Variants in PCED1B observed in about 807,000 individuals in gnomAD.
PCED1B encodes the protein PC-esterase domain containing 1B.
For missense variants in PCED1B, 573 were observed against 573.9 expected (o/e 1.00, Z 0.02); for synonymous variants, 251 against 246.1 (o/e 1.02, Z -0.19).
rs769370792 is a variant in PCED1B at position 47,122,198 on chromosome 12, G to A, written c.-526+18003G>A. The stretch of plus-strand genomic sequence containing the variant: ...TTGCCATTGTTATTTTAAATTAGGC[G>A]TTCATCTCTTGGCCTAATTACACAT... On this transcript the variant is annotated intron_variant, in intron 2 of 3. Transcript: ENST00000546455. Among the ~76,000 whole-genome samples the A allele has an allele frequency of 5.9e-5, 9 of 151,962 alleles. 1 individual carries two copies. The highest frequency in any genetic ancestry group is 2.6e-4 in the Admixed American group (4 of 15,248).
At chr12:47,118,093 AT>A (rs1263045414) in intron 2 of PCED1B, among the ~76,000 whole-genome samples, 3 of 152,060 alleles carry the variant, frequency 2.0e-5, no homozygotes, top group African/African-American at 7.2e-5. Context: ...TACATTCTGG[AT>A]ATTAGCCATT....
At chr12:47,171,671 A>G (rs1489383893) in intron 2 of PCED1B, among the ~76,000 whole-genome samples, 1 of 152,202 alleles carries the variant, frequency 6.6e-6, no homozygotes, top group Non-Finnish European at 1.5e-5. Context: ...CTGATAAAAG[A>G]AAGATAATAT....
In PCED1B at chr12:47,235,442, G is replaced by A. The variant is rs1943947155; in HGVS notation, c.379G>A (p.Asp127Asn). The change falls in exon 4 of 4, where the codon GAC (aspartate) becomes AAC (asparagine). Residue 127 changes from aspartate (D) to asparagine (N), a missense_variant. Transcript: ENST00000546455. ...GGTCATCATGAATTCCTGCCTCTGG[G>A]ACATCTCCAGGTATGGTCCGAACTC... Reference protein sequence around the residue: ...DLVIMNSCLWDISRYGPNSWR... With the variant: ...DLVIMNSCLWNISRYGPNSWR... The A allele has an allele frequency of 6.2e-7, 1 of 1,614,184 alleles. No homozygotes were observed. The highest frequency in any genetic ancestry group is 8.5e-7 in the Non-Finnish European group (1 of 1,180,038).
intron 2 of PCED1B, among the ~76,000 whole-genome samples, chr12:47,143,477 T>C (rs1368581236): frequency 2.0e-5 from 3 of 152,126 alleles, no homozygotes; most frequent in South Asian, 2.1e-4. Flanking sequence ...AACAATTCCA[T>C]TTATAATAGC....
Position 47,140,050 on chromosome 12 carries a change from G to A in PCED1B, c.-526+35855G>A, listed in dbSNP as rs373487977. Among the ~76,000 whole-genome samples, 83 of 152,240 alleles carry A rather than the reference G, an allele frequency of 5.5e-4. 1 individual carries two copies. Among genetic ancestry groups the A allele is most frequent in the African/African-American group, 2.0e-3 (83 of 41,556 alleles). On this transcript the variant is annotated intron_variant, in intron 2 of 3. Coordinates refer to ENST00000546455, the MANE Select transcript of PCED1B (RefSeq NM_138371.3). ...CCTGCCAGGGTGATTGAAAACTCCA[G>A]CTTGAAAATAAAATAAGCATTCTAT...
At chr12:47,129,095 C>A (rs1382766398) in intron 2 of PCED1B, among the ~76,000 whole-genome samples, 1 of 152,212 alleles carries the variant, frequency 6.6e-6, no homozygotes, top group Non-Finnish European at 1.5e-5. Flanking sequence ...AATTCAAATT[C>A]TCTTTGCCTA....
chr12:47,210,748 G>A (rs1445177459), intron 2 of PCED1B: 2 of 152,032 alleles, frequency 1.3e-5, no homozygotes, highest in African/African-American at 2.4e-5. Flanking sequence ...CTGGGTAACT[G>A]AGCAACACTC....
intron 1 of PCED1B, among the ~76,000 whole-genome samples, chr12:47,085,398 C>T (rs1937931467): frequency 6.6e-6 from 1 of 152,190 alleles, no homozygotes; most frequent in Non-Finnish European, 1.5e-5. Context: ...ATTGCTACTT[C>T]AGGAAAAGTA....
intron 2 of PCED1B, among the ~76,000 whole-genome samples, chr12:47,168,824 G>T (rs1318018332): frequency 6.6e-6 from 1 of 151,690 alleles, no homozygotes; most frequent in Non-Finnish European, 1.5e-5. Flanking sequence ...TAGAATTTTT[G>T]TCATTCTTTT....
At chr12:47,099,998 C>G (rs1938634920) in intron 1 of PCED1B, among the ~76,000 whole-genome samples, 1 of 152,222 alleles carries the variant, frequency 6.6e-6, no homozygotes, top group Admixed American at 6.5e-5. Flanking sequence ...AGCGGCTACA[C>G]TGAGCAATGT....
chr12:47,117,099 T>C (rs545445993), intron 2 of PCED1B, among the ~76,000 whole-genome samples: 1 of 152,138 alleles, frequency 6.6e-6, no homozygotes, highest in Non-Finnish European at 1.5e-5. Context: ...CCTCCCACCA[T>C]GGACTCCCAG....
At chr12:47,135,496 A>C in intron 2 of PCED1B, 1 of 465,980 alleles carries the variant, frequency 2.1e-6, no homozygotes, top group Non-Finnish European at 4.3e-6. Flanking sequence ...CTATCGAGAG[A>C]CTTGGAAGAT....
intron 1 of PCED1B, among the ~76,000 whole-genome samples, chr12:47,091,807 C>G (rs1397882085): frequency 6.6e-6 from 1 of 152,048 alleles, no homozygotes; most frequent in Non-Finnish European, 1.5e-5. Context: ...ATCCTTTTCC[C>G]TACTGCATTG....
chr12:47,218,563 AG>A (rs1943374341), intron 3 of PCED1B, among the ~76,000 whole-genome samples: 4 of 152,196 alleles, frequency 2.6e-5, no homozygotes, highest in Non-Finnish European at 5.9e-5. Flanking sequence ...GACTCACTGC[AG>A]CCACAAACTC....
intron 2 of PCED1B, among the ~76,000 whole-genome samples, chr12:47,197,973 G>A (rs1942656570): frequency 6.6e-6 from 1 of 152,196 alleles, no homozygotes; most frequent in Non-Finnish European, 1.5e-5. Flanking sequence ...ATTTAAGGAA[G>A]AAGTGATACC....
chr12:47,127,888 C>T (rs1052712479), intron 2 of PCED1B, among the ~76,000 whole-genome samples: 23 of 152,136 alleles, frequency 1.5e-4, no homozygotes, highest in African/African-American at 4.6e-4. Flanking sequence ...TTCAAGTCTT[C>T]GATATACTCA....
At chr12:47,220,000 G>C (rs932371845) in intron 3 of PCED1B, among the ~76,000 whole-genome samples, 2 of 150,266 alleles carry the variant, frequency 1.3e-5, no homozygotes, top group African/African-American at 4.9e-5. Flanking sequence ...TTGAGCCTGG[G>C]AGGTTGAAGC....
intron 1 of PCED1B, among the ~76,000 whole-genome samples, chr12:47,087,085 G>A (rs1938023239): frequency 6.6e-6 from 1 of 152,110 alleles, no homozygotes; most frequent in Non-Finnish European, 1.5e-5. Flanking sequence ...CAAACACAAG[G>A]CCCTCTGTGG....
rs34785353 is a variant in PCED1B at position 47,160,743 on chromosome 12, T to C, written c.-525-55479T>C. Among the ~76,000 whole-genome samples the C allele has an allele frequency of 5.2e-4, 48 of 92,264 alleles. 1 individual carries two copies. In the South Asian group the frequency reaches 0.013, roughly 25 times the overall value. The allele number at this position is 92,264 out of a possible 152,430, so 60.5% of individuals were successfully genotyped here. A position where few individuals can be genotyped will look rare whatever the true frequency, so the allele number is the denominator to read the frequency against. On this transcript the variant is annotated intron_variant, in intron 2 of 3. Transcript: ENST00000546455. ...AGTTATTTGCTATGTTTGAATATGG[T>C]TTTTCCCCACTAAAACTCATATTGA...
Sources: gnomAD v4.1 joint callset for allele counts (sites outside exome capture counted in the v4.1 genomes callset) on GRCh38, gnomAD v4.1.1 for gene constraint, MANE v1.5 for transcripts, NCBI Gene and HGNC (gene_info 2026-07-23, HGNC 2026-07-21) for gene names.